The following R3HDM1 variants were observed in gnomAD, a reference collection of about 807,000 sequenced individuals.
R3HDM1 encodes R3H domain-containing protein 1.
R3HDM1 carries 46 observed loss-of-function variants against 141.1 expected under a neutral mutation model. That is an observed-to-expected ratio of 0.33 (90% CI 0.26 to 0.42). The LOEUF (loss-of-function observed/expected upper bound fraction) is 0.42. Ranked by LOEUF, R3HDM1 falls within the 10% of genes least tolerant of loss-of-function variation. The probability of loss-of-function intolerance (pLI) is 1.00; values close to 1 mark genes in which losing one functional copy is unlikely to be tolerated. For missense variants in R3HDM1, 1,184 were observed against 1,368.3 expected (o/e 0.87, Z 2.12); for synonymous variants, 435 against 472.9 (o/e 0.92, Z 1.04).
chr2:135,584,001 A>G, intron 1 of R3HDM1: 1 of 985,416 alleles, frequency 1.0e-6, no homozygotes, highest in Non-Finnish European at 1.2e-6. Flanking sequence ...ATAGCACAAA[A>G]TTTAAGGTGC....
chr2:135,636,033 C>T (rs769801492), intron 10 of R3HDM1, 35 bp downstream of exon 10: 2 of 1,610,424 alleles, frequency 1.2e-6, no homozygotes, highest in South Asian at 2.2e-5. Flanking sequence ...TGTATAGGTG[C>T]AAGACATACT....
intron 21 of R3HDM1, among the ~76,000 whole-genome samples, chr2:135,707,066 C>T (rs1396635512): frequency 6.6e-6 from 1 of 152,150 alleles, no homozygotes; most frequent in Non-Finnish European, 1.5e-5. Context: ...CTGGCCCATT[C>T]ATAGTTTTAT....
intron 1 of R3HDM1, among the ~76,000 whole-genome samples, chr2:135,532,002 A>G (rs1291415210): frequency 6.6e-6 from 1 of 152,188 alleles, no homozygotes; most frequent in Non-Finnish European, 1.5e-5. Context: ...AGTCCCTGCC[A>G]TGGCTGCTGC....
chr2:135,674,381 A>C (rs544583754), intron 19 of R3HDM1, among the ~76,000 whole-genome samples: 1 of 152,342 alleles, frequency 6.6e-6, no homozygotes, highest in East Asian at 1.9e-4. Flanking sequence ...ATTCTAGTTC[A>C]GTTCATCTTT....
At chr2:135,618,881 G>A (rs2061298908) in intron 5 of R3HDM1, among the ~76,000 whole-genome samples, 1 of 152,008 alleles carries the variant, frequency 6.6e-6, no homozygotes, top group Admixed American at 6.6e-5. Flanking sequence ...TTAGGCAGGT[G>A]TGGTGGCACA....
intron 1 of R3HDM1, among the ~76,000 whole-genome samples, chr2:135,591,122 T>G (rs1437535670): frequency 6.6e-6 from 1 of 152,170 alleles, no homozygotes; most frequent in Non-Finnish European, 1.5e-5. Flanking sequence ...CCAATTCAAC[T>G]GCTAGAGAAT....
intron 1 of R3HDM1, among the ~76,000 whole-genome samples, chr2:135,588,441 C>G (rs1282871144): frequency 6.6e-6 from 1 of 152,136 alleles, no homozygotes; most frequent in East Asian, 1.9e-4. Flanking sequence ...CACACATTCA[C>G]TCTGCAAATT....
Position 135,569,739 on chromosome 2 carries a change from T to G in R3HDM1, c.-249-32761T>G, listed in dbSNP as rs952048749. 8.7e-5 allele frequency among the ~76,000 whole-genome samples: 13 copies of G among 149,844 alleles called. 1 individual carries two copies. The highest frequency in any genetic ancestry group is 3.0e-4 in the African/African-American group (12 of 39,620). The stretch of plus-strand genomic sequence containing the variant: ...AGCTCTTTTTTTTTTGTTGTTGTTT[T>G]TTTTGGAGAGGGAGTCTCGCTCTGT... On this transcript the variant is annotated intron_variant, in intron 1 of 26. Coordinates refer to ENST00000683871, the MANE Select transcript of R3HDM1 (RefSeq NM_001378107.1).
At chr2:135,549,857 G>A (rs1458008194) in intron 1 of R3HDM1, 2 of 568,484 alleles carry the variant, frequency 3.5e-6, no homozygotes, top group Non-Finnish European at 4.4e-6. Context: ...CTACTGAATT[G>A]TACCTTTAAA....
At chr2:135,565,943 A>G (rs1311741946) in intron 1 of R3HDM1, 1 of 152,138 alleles carries the variant, frequency 6.6e-6, no homozygotes, top group Non-Finnish European at 1.5e-5. Flanking sequence ...GGATGTGGGG[A>G]TTGAAAGAAA....
Position 135,722,025 on chromosome 2 carries a change from C to T in R3HDM1, c.2964+19C>T. On this transcript the variant is annotated intron_variant, in intron 25 of 26. Coordinates refer to ENST00000683871, the MANE Select transcript of R3HDM1 (RefSeq NM_001378107.1). ...CCAACAGGTAGGAAAGACAACTAAC[C>T]TCCTAGGCTTTGTTGCAGAACATCA... 6.3e-7 allele frequency: 1 copy of T among 1,598,852 alleles called. No homozygotes were observed.
At chr2:135,666,952 A>T in intron 19 of R3HDM1, 1 of 282,256 alleles carries the variant, frequency 3.5e-6, no homozygotes, top group Non-Finnish European at 5.3e-6. Context: ...CTACCTTCAC[A>T]GTGCTTCTAT....
At chr2:135,594,140 C>T (rs925962551) in intron 1 of R3HDM1, among the ~76,000 whole-genome samples, 3 of 152,238 alleles carry the variant, frequency 2.0e-5, no homozygotes, top group Non-Finnish European at 2.9e-5. Flanking sequence ...TCTCCCACAT[C>T]TCCCCTGCTT....
intron 1 of R3HDM1, among the ~76,000 whole-genome samples, chr2:135,581,607 A>T (rs1306406517): frequency 2.6e-5 from 4 of 152,186 alleles, no homozygotes; most frequent in African/African-American, 9.7e-5. Flanking sequence ...GCTTTTGGTG[A>T]GTGGTGAACA....
intron 1 of R3HDM1, among the ~76,000 whole-genome samples, chr2:135,535,297 G>A (rs1469137733): frequency 6.6e-6 from 1 of 152,044 alleles, no homozygotes; most frequent in East Asian, 1.9e-4. Flanking sequence ...TCAGCAGTTC[G>A]AGACCAGCCT....
intron 1 of R3HDM1, among the ~76,000 whole-genome samples, chr2:135,589,318 C>T (rs1708683005): frequency 1.3e-5 from 2 of 152,166 alleles, no homozygotes; most frequent in South Asian, 4.1e-4. Context: ...TTTTCACATA[C>T]AGCTCTTCCT....
chr2:135,536,516 C>T, intron 1 of R3HDM1: 1 of 919,932 alleles, frequency 1.1e-6, no homozygotes, highest in Non-Finnish European at 1.3e-6. Flanking sequence ...TTATCTACAA[C>T]TCCCTATAAC....
At chr2:135,704,873 C>T (rs2074698566) in intron 21 of R3HDM1, among the ~76,000 whole-genome samples, 1 of 152,148 alleles carries the variant, frequency 6.6e-6, no homozygotes, top group South Asian at 2.1e-4. Flanking sequence ...TGATCATACT[C>T]TTACATTTTA....
intron 9 of R3HDM1, among the ~76,000 whole-genome samples, chr2:135,632,687 AATC>A (rs1159091013): frequency 4.6e-5 from 7 of 152,230 alleles, no homozygotes; most frequent in African/African-American, 1.7e-4. Context: ...TTTTAAGGCT[AATC>A]CTAAAACAAC....
Sources: gnomAD v4.1 joint callset for allele counts (sites outside exome capture counted in the v4.1 genomes callset) on GRCh38, gnomAD v4.1.1 for gene constraint, MANE v1.5 for transcripts, NCBI Gene and HGNC (gene_info 2026-07-23, HGNC 2026-07-21) for gene names.